The following PSMA1 variants were observed in gnomAD, a reference collection of about 807,000 sequenced individuals.
The protein encoded by PSMA1 is proteasome 20S subunit alpha 1.
A neutral mutation model predicts 38.4 loss-of-function variants in PSMA1; 3 were observed. The observed-to-expected ratio is 0.08, with a 90% CI of 0.04 to 0.20. The LOEUF is 0.20. PSMA1 is among the 10% of genes least tolerant of loss of function. The pLI is 1.00. For synonymous variants in PSMA1, 101 were observed against 107.1 expected, an observed-to-expected ratio of 0.94 and a Z score of 0.35; for missense variants, 227 against 325.3, an observed-to-expected ratio of 0.70 and a Z score of 2.32.
intron 2 of PSMA1, among the ~76,000 whole-genome samples, chr11:14,556,853 G>A (rs1174317204): frequency 6.6e-6 from 1 of 152,086 alleles, no homozygotes; most frequent in Non-Finnish European, 1.5e-5. Flanking sequence ...TAAATCTATA[G>A]AACTGGGGGA....
At chr11:14,608,187 C>T (rs1026035940) in intron 2 of PSMA1, among the ~76,000 whole-genome samples, 3 of 152,118 alleles carry the variant, frequency 2.0e-5, no homozygotes, top group South Asian at 2.1e-4. Context: ...TTCATCTCTA[C>T]AAAAAATTTA....
chr11:14,511,056 A>G (rs1056690624), intron 7 of PSMA1, 105 bp from the exon 8 acceptor site: 11 of 654,252 alleles, frequency 1.7e-5, no homozygotes, highest in Non-Finnish European at 2.0e-5. Flanking sequence ...GTTACACACT[A>G]AATTTATCAC....
chr11:14,632,661 C>G (rs1329160273), intron 1 of PSMA1, among the ~76,000 whole-genome samples: 1 of 147,554 alleles, frequency 6.8e-6, no homozygotes, highest in Non-Finnish European at 1.5e-5. Flanking sequence ...TTGCTCTTCT[C>G]GAGGAGTATC....
chr11:14,552,242 A>C (rs746695686), intron 2 of PSMA1, among the ~76,000 whole-genome samples: 8 of 152,198 alleles, frequency 5.3e-5, no homozygotes, highest in Non-Finnish European at 8.8e-5. Context: ...CCCGAGTCCG[A>C]AGCATCACAA....
intron 2 of PSMA1, among the ~76,000 whole-genome samples, chr11:14,585,027 G>C (rs1029281449): frequency 6.6e-6 from 1 of 152,212 alleles, no homozygotes; most frequent in Non-Finnish European, 1.5e-5. Flanking sequence ...GGTTATAGAA[G>C]ATATTCATGT....
intron 2 of PSMA1, among the ~76,000 whole-genome samples, chr11:14,583,611 A>G (rs559103146): frequency 2.0e-5 from 3 of 152,302 alleles, no homozygotes; most frequent in Admixed American, 2.0e-4. Context: ...TGGGCTCATT[A>G]TATGCTGCAT....
intron 9 of PSMA1, among the ~76,000 whole-genome samples, chr11:14,505,555 T>C (rs1851231881): frequency 6.6e-6 from 1 of 151,574 alleles, no homozygotes; most frequent in African/African-American, 2.4e-5. Flanking sequence ...TTCTTTTTTG[T>C]TTGCTTTTAC....
chr11:14,587,386 CT>C, intron 2 of PSMA1, among the ~76,000 whole-genome samples: 1 of 152,322 alleles, frequency 6.6e-6, no homozygotes, highest in East Asian at 1.9e-4. Flanking sequence ...GTTTTTGCTC[CT>C]TCTGTCTGAC....
At chr11:14,505,423 T>C (rs988291336) in intron 9 of PSMA1, among the ~76,000 whole-genome samples, 175 bp from the exon 10 acceptor site, 2 of 152,174 alleles carry the variant, frequency 1.3e-5, no homozygotes, top group African/African-American at 4.8e-5. Context: ...TTTTTTCTCC[T>C]TGAGTGCTCA....
At chr11:14,527,539 C>T (rs1851600584) in intron 2 of PSMA1, among the ~76,000 whole-genome samples, 2 of 152,192 alleles carry the variant, frequency 1.3e-5, no homozygotes, top group Non-Finnish European at 2.9e-5. Flanking sequence ...TACTACTCCT[C>T]AGGGATTGTT....
chr11:14,569,631 C>G (rs991631929), intron 2 of PSMA1, among the ~76,000 whole-genome samples: 8 of 152,206 alleles, frequency 5.3e-5, no homozygotes, highest in African/African-American at 1.9e-4. Context: ...AGTCTGAGAT[C>G]AAACGGCAAG....
intron 2 of PSMA1, among the ~76,000 whole-genome samples, chr11:14,601,535 C>T (rs938068391): frequency 6.6e-6 from 1 of 152,166 alleles, no homozygotes; most frequent in African/African-American, 2.4e-5. Flanking sequence ...CTCTCCGACT[C>T]AGTCTCTTGA....
At chr11:14,611,257 G>A in intron 1 of PSMA1, 1 of 438,158 alleles carries the variant, frequency 2.3e-6, no homozygotes, top group African/African-American at 2.0e-5. Flanking sequence ...CCTCTCCTGG[G>A]GGTAAGTAGA....
chr11:14,632,716 C>T (rs1853040564), intron 1 of PSMA1, among the ~76,000 whole-genome samples: 3 of 144,740 alleles, frequency 2.1e-5, no homozygotes, highest in Non-Finnish European at 3.1e-5. Context: ...GTTGGCCTGC[C>T]TTGCTAGATT....
intron 2 of PSMA1, among the ~76,000 whole-genome samples, chr11:14,561,788 CCTAAACTAAACTAAACTAAATTAAA>C (rs1317458100): frequency 2.7e-5 from 4 of 146,928 alleles, no homozygotes; most frequent in African/African-American, 1.0e-4. Context: ...GCACTCTAGT[CCTAAACTAAACTAAACTAAATTAAA>C]CTAAACTAAA....
At chr11:14,571,299 G>A (rs188095809) in intron 2 of PSMA1, among the ~76,000 whole-genome samples, 117 of 152,260 alleles carry the variant, frequency 7.7e-4, no homozygotes, top group African/African-American at 2.5e-3. Context: ...TCCTGACCCC[G>A]TGATCTGCCC....
chr11:14,521,614 C>T (rs1474043303), upstream of PSMA1, among the ~76,000 whole-genome samples: 2 of 151,350 alleles, frequency 1.3e-5, no homozygotes, highest in East Asian at 1.9e-4. Flanking sequence ...AAAACCCCGT[C>T]TCTACTAAAA....
chr11:14,581,283 G>A (rs372135752), intron 2 of PSMA1, among the ~76,000 whole-genome samples: 196 of 152,300 alleles, frequency 1.3e-3, no homozygotes, highest in South Asian at 6.2e-3. Context: ...GTCTTGGTAT[G>A]AGAGCTTTTC....
At chr11:14,512,897 A>T (rs1172162450) in intron 7 of PSMA1, among the ~76,000 whole-genome samples, 3 of 152,324 alleles carry the variant, frequency 2.0e-5, no homozygotes, top group African/African-American at 7.2e-5. Context: ...TTGTCCAAGG[A>T]ATCCTCTTTT....
Sources: gnomAD v4.1 joint callset for allele counts (sites outside exome capture counted in the v4.1 genomes callset) on GRCh38, gnomAD v4.1.1 for gene constraint, MANE v1.5 for transcripts, NCBI Gene and HGNC (gene_info 2026-07-23, HGNC 2026-07-21) for gene names.